GAA: variants seen among roughly 807,000 people sequenced by gnomAD.
GAA encodes lysosomal alpha-glucosidase.
In GAA, 88 loss-of-function variants were observed where a neutral mutation model predicts 103.9. The observed-to-expected ratio is 0.85, with a 90% CI of 0.71 to 1.01. The LOEUF (loss-of-function observed/expected upper bound fraction) is 1.01. Ranked by LOEUF, GAA falls within the 50% of genes least tolerant of loss-of-function variation. The pLI is 0.00. For synonymous variants in GAA, 572 were observed against 563.1 expected, an observed-to-expected ratio of 1.02 and a Z score of -0.22; for missense variants, 1,350 against 1,305.3, an observed-to-expected ratio of 1.03 and a Z score of -0.53.
At chr17:80,113,406 T>G (rs781631038) in intron 15 of GAA, 40 bp downstream of exon 15, 3 of 1,496,106 alleles carry the variant, frequency 2.0e-6, no homozygotes, top group African/African-American at 1.4e-5. Flanking sequence ...ATGTGTGCCC[T>G]GGGGGAGGGG....
Position 80,118,331 on chromosome 17 carries a change from A to G in GAA, c.2620A>G (p.Thr874Ala). 1.3e-6 allele frequency: 2 copies of G among 1,573,000 alleles called. No individual in the cohort carries two copies. The highest frequency in any genetic ancestry group is 1.7e-6 in the Non-Finnish European group (2 of 1,157,706). The change falls in exon 18 of 20, where the codon ACA becomes GCA. Residue 874 changes from threonine to alanine, a missense_variant. By Grantham distance (58) the Thr-to-Ala change is moderately conservative. Transcript: ENST00000302262. ...GGAAGTGCTGGAGCGAGGGGCCTAC[A>G]CACAGGTCATCTTCCTGGCCAGGAA... ...SLEVLERGAY[T>A]QVIFLARNNT...
At chr17:80,117,552 G>A in intron 16 of GAA, 48 bp from the exon 17 acceptor site, 2 of 1,607,618 alleles carry the variant, frequency 1.2e-6, no homozygotes, top group Non-Finnish European at 1.7e-6. Flanking sequence ...AGGACAGCAT[G>A]GGGGCCTCGG....
At chr17:80,107,987 C>T (rs533029286) in intron 5 of GAA, 91 bp downstream of exon 5, 31 of 1,246,980 alleles carry the variant, frequency 2.5e-5, no homozygotes, top group African/African-American at 4.5e-5. Context: ...GCCCTGGGCA[C>T]GGTGCTGGGC....
In GAA at chr17:80,104,577, A is replaced by C. The variant is rs758255146; in HGVS notation, c.-10A>C. On this transcript the variant is annotated 5_prime_UTR_variant, in exon 2 of 20. Coordinates refer to ENST00000302262, the MANE Select transcript of GAA (RefSeq NM_000152.5). This position sits in a 1 kb window ranked among gnomAD's most constrained non-coding sequence, Gnocchi z 4.0. The stretch of plus-strand genomic sequence containing the variant: ...CAGGCCTGTAGGAGCTGTCCAGGCC[A>C]TCTCCAACCATGGGAGTGAGGCACC... 8.1e-6 allele frequency: 13 copies of C among 1,608,168 alleles called. No homozygotes were observed. Among genetic ancestry groups the C allele is most frequent in the Non-Finnish European group, 9.3e-6 (11 of 1,177,798 alleles).
chr17:80,119,442 A>G lies in GAA; in HGVS notation c.*111A>G. 1 of 916,492 alleles carries G rather than the reference A, an allele frequency of 1.1e-6. No individual in the cohort carries two copies. The highest frequency in any genetic ancestry group is 2.6e-4 in the Middle Eastern group (1 of 3,914). The allele number at this position is 916,492 out of a possible 1,614,324, so 56.8% of individuals were successfully genotyped here. A position where few individuals can be genotyped will look rare whatever the true frequency, so the allele number is the denominator to read the frequency against. On this transcript the variant is annotated 3_prime_UTR_variant, in exon 20 of 20. Transcript: ENST00000302262. ...CCTGGGGGTTGCATGTGTCACCTGGAGCTGGGCACTAACCATTCCAAGCCG... is the reference window on the plus strand; with the variant it reads ...CCTGGGGGTTGCATGTGTCACCTGGGGCTGGGCACTAACCATTCCAAGCCG...
chr17:80,107,746 G>A, intron 4 of GAA, 24 bp downstream of exon 4: 2 of 1,568,624 alleles, frequency 1.3e-6, no homozygotes, highest in African/African-American at 1.5e-5. Context: ...CGGCGGGCGG[G>A]GGCACTGAGC....
chr17:80,119,132 G>C (rs2039426300), intron 19 of GAA, 140 bp from the exon 20 acceptor site: 3 of 932,190 alleles, frequency 3.2e-6, no homozygotes. Context: ...AAGCATCCCA[G>C]GGCCAGACGG....
chr17:80,113,032 G>C lies in GAA; in HGVS notation c.2040+5G>C. ...CACAACAGCCTGCTCAGTCTGGTAG[G>C]GTGGGGGTGGCGGCATGGCAGGTGG... On this transcript the variant is annotated splice_donor_5th_base_variant and intron_variant, in intron 14 of 19. Coordinates refer to ENST00000302262, the MANE Select transcript of GAA (RefSeq NM_000152.5). 1.2e-6 allele frequency: 2 copies of C among 1,608,246 alleles called. No homozygotes were observed. Among genetic ancestry groups the C allele is most frequent in the Non-Finnish European group, 1.7e-6 (2 of 1,178,168 alleles).
At position 80,108,549 on chromosome 17, in the gene GAA, C is replaced by A. The variant is rs377233099; in HGVS notation, c.1136C>A (p.Ser379Tyr). 3.1e-6 allele frequency: 5 copies of A among 1,612,878 alleles called. No individual in the cohort carries two copies. Among genetic ancestry groups the A allele is most frequent in the Middle Eastern group, 1.6e-4 (1 of 6,062 alleles). The change falls in exon 7 of 20, where the codon TCC becomes TAC. Residue 379 changes from serine (S) to tyrosine (Y), a missense_variant. Physicochemically the swap from Ser to Tyr is moderately radical, Grantham distance 144. Transcript: ENST00000302262. Reference sequence around the variant, plus strand: ...TTCCACCTGTGCCGCTGGGGCTACTCCTCCACCGCTATCACCCGCCAGGTG... The same window carrying A: ...TTCCACCTGTGCCGCTGGGGCTACTACTCCACCGCTATCACCCGCCAGGTG... ...LGFHLCRWGY[S>Y]STAITRQVVE... is the part of the protein sequence containing the mutation.
Position 80,117,729 on chromosome 17 carries a change from G to T in GAA, c.2461G>T (p.Gly821Trp). The stretch of plus-strand genomic sequence containing the variant: ...CACCATCAACGTCCACCTCCGGGCT[G>T]GGTACATCATCCCCCTGCAGGTACC... The part of the protein sequence containing the change: ...LDTINVHLRA[G>W]YIIPLQGPGL... Residue 821 changes from glycine (G) to tryptophan (W), a missense_variant, in exon 17 of 20, where the codon GGG becomes TGG. Coordinates refer to ENST00000302262, the MANE Select transcript of GAA (RefSeq NM_000152.5). The T allele has an allele frequency of 6.2e-7, 1 of 1,610,832 alleles. No homozygotes were observed.
In GAA at chr17:80,108,702, C is replaced by T. The variant is rs1431452557; in HGVS notation, c.1200C>T (p.Val400=). 6.2e-7 allele frequency: 1 copy of T among 1,612,738 alleles called. No homozygotes were observed. Among genetic ancestry groups the T allele is most frequent in the South Asian group, 1.1e-5 (1 of 91,068 alleles). ...NMTRAHFPLD[V]QWNDLDYMDS... ...GTCCCGTGTTGTGGCTGCAGGACGTCCAGTGGAACGACCTGGACTACATGG... is the reference window on the plus strand; with the variant it reads ...GTCCCGTGTTGTGGCTGCAGGACGTTCAGTGGAACGACCTGGACTACATGG... Residue 400 remains valine, a synonymous_variant, in exon 8 of 20, where the codon GTC becomes GTT. Transcript: ENST00000302262.
chr17:80,119,750 G>T lies in GAA; in HGVS notation c.*419G>T, dbSNP rs7567. The T allele has an allele frequency of 0.21, 47,759 of 231,226 alleles. 5,944 individuals carry two copies. Among genetic ancestry groups the T allele is most frequent in the Non-Finnish European group, 0.26 (30,020 of 114,304 alleles). 14.3% of individuals were successfully genotyped at this position (231,226 alleles called of 1,614,324 possible). A position where few individuals can be genotyped will look rare whatever the true frequency, so the allele number is the denominator to read the frequency against. On this transcript the variant is annotated 3_prime_UTR_variant, in exon 20 of 20. Transcript: ENST00000302262. ...GCTGCTCTGCCCCAACGCGACCGCT[G>T]CCCGGCTGCCCAGAGGGCTGGATGC...
chr17:80,110,202 C>T (rs564294129), intron 9 of GAA, 147 bp downstream of exon 9: 10 of 655,646 alleles, frequency 1.5e-5, no homozygotes, highest in East Asian at 8.2e-5. Context: ...TGGCCCGTGA[C>T]GATGGTGGCT....
Position 80,119,256 on chromosome 17 carries a change from G to A in GAA, c.2800-16G>A, listed in dbSNP as rs1436621520. The A allele has an allele frequency of 2.5e-6, 4 of 1,613,418 alleles. No homozygotes were observed. The highest frequency in any genetic ancestry group is 2.5e-6 in the Non-Finnish European group (3 of 1,179,520). On this transcript the variant is annotated splice_polypyrimidine_tract_variant and intron_variant, in intron 19 of 19. Coordinates refer to ENST00000302262, the MANE Select transcript of GAA (RefSeq NM_000152.5). Reference sequence around the variant, plus strand: ...TGGGATCTCGGGCTGCTCCATTTGTGCTCTCTCTTTTCCAGGTCCTGGACA... The same window carrying A: ...TGGGATCTCGGGCTGCTCCATTTGTACTCTCTCTTTTCCAGGTCCTGGACA...
At chr17:80,111,117 G>T in intron 11 of GAA, 92 bp downstream of exon 11, 1 of 1,207,090 alleles carries the variant, frequency 8.3e-7, no homozygotes. Context: ...TCTCTGAGAA[G>T]CAGATGGGCC....
chr17:80,117,998 G>A (rs34548701), intron 17 of GAA, among the ~76,000 whole-genome samples, 195 bp from the exon 18 acceptor site: 1 of 152,226 alleles, frequency 6.6e-6, no homozygotes, highest in Non-Finnish European at 1.5e-5. Context: ...GCCTCGGGCA[G>A]CCGTGGGATA....
intron 3 of GAA, among the ~76,000 whole-genome samples, chr17:80,107,195 C>T (rs1210368982): frequency 6.6e-6 from 1 of 152,162 alleles, no homozygotes; most frequent in Non-Finnish European, 1.5e-5. Context: ...GCTCCTAGGC[C>T]TGGAAAGGTT....
Position 80,108,769 on chromosome 17 carries a change from G to A in GAA, c.1267G>A (p.Asp423Asn), listed in dbSNP as rs1201294046. The A allele has an allele frequency of 1.2e-6, 2 of 1,610,218 alleles. No individual in the cohort carries two copies. The highest frequency in any genetic ancestry group is 1.1e-5 in the South Asian group (1 of 90,622). Residue 423 changes from aspartate (D) to asparagine (N), a missense_variant, in exon 8 of 20, where the codon GAC becomes AAC. Asp to Asn is a conservative substitution (Grantham distance 23). Coordinates refer to ENST00000302262, the MANE Select transcript of GAA (RefSeq NM_000152.5). The stretch of plus-strand genomic sequence containing the variant: ...CACGTTCAACAAGGATGGCTTCCGG[G>A]ACTTCCCGGCCATGGTGCAGGAGCT... ...DFTFNKDGFR[D>N]FPAMVQELHQ... is the part of the protein sequence containing the mutation.
chr17:80,115,765 T>G (rs1308954426), intron 15 of GAA, among the ~76,000 whole-genome samples: 2 of 152,320 alleles, frequency 1.3e-5, no homozygotes, highest in Admixed American at 1.3e-4. Flanking sequence ...TTGAGCTAAT[T>G]CCATAAGGTC....
Sources: allele counts gnomAD v4.1 joint callset (sites outside exome capture counted in the v4.1 genomes callset), GRCh38; gene constraint gnomAD v4.1.1; non-coding constraint Gnocchi (gnomAD v3.1); transcripts MANE v1.5; gene names NCBI Gene and HGNC (gene_info 2026-07-23, HGNC 2026-07-21).